Variants in MAPRE2 observed in about 807,000 individuals in gnomAD.
MAPRE2 encodes the protein microtubule-associated protein RP/EB family member 2.
MAPRE2 carries 13 observed loss-of-function variants against 43.2 expected under a neutral mutation model. The ratio of observed to expected loss-of-function variants is 0.30; its 90% confidence interval spans 0.20 to 0.48. The LOEUF is 0.48. Among genes scored for constraint, MAPRE2 ranks in the 20% least tolerant of loss-of-function variants. The pLI is 0.99. For synonymous variants in MAPRE2, 135 were observed against 148.8 expected, an observed-to-expected ratio of 0.91 and a Z score of 0.68; for missense variants, 161 against 400.2, an observed-to-expected ratio of 0.40 and a Z score of 5.10.
chr18:35,085,700 T>C (rs1907843388), intron 2 of MAPRE2, among the ~76,000 whole-genome samples: 1 of 152,196 alleles, frequency 6.6e-6, no homozygotes, highest in African/African-American at 2.4e-5. Flanking sequence ...AGCAGAAATA[T>C]CAAGTATCCC....
intron 1 of MAPRE2, among the ~76,000 whole-genome samples, chr18:35,052,386 A>G (rs1316969662): frequency 2.0e-5 from 3 of 152,186 alleles, no homozygotes; most frequent in Admixed American, 6.5e-5. Flanking sequence ...TCCATATGGG[A>G]TGTCTCAGTA....
At chr18:35,014,912 G>A (rs2097037204) in intron 2 of MAPRE2, among the ~76,000 whole-genome samples, 1 of 152,064 alleles carries the variant, frequency 6.6e-6, no homozygotes, top group African/African-American at 2.4e-5. Flanking sequence ...CTTTTGCATG[G>A]AGTACCAGGA....
chr18:35,005,552 A>G, exon 2 of MAPRE2: 1 of 1,540,382 alleles, frequency 6.5e-7, no homozygotes, highest in Non-Finnish European at 8.8e-7. Context: ...TGGATGCTCA[A>G]GGTAAGGTTT....
At chr18:35,013,786 T>C (rs1050299476) in intron 2 of MAPRE2, among the ~76,000 whole-genome samples, 1 of 152,194 alleles carries the variant, frequency 6.6e-6, no homozygotes, top group Non-Finnish European at 1.5e-5. Flanking sequence ...TGTTCAACTT[T>C]CTGCTCCTGG....
At chr18:35,037,498 G>A (rs1021999244), upstream of MAPRE2, among the ~76,000 whole-genome samples, 63 of 152,304 alleles carry the variant, frequency 4.1e-4, no homozygotes, top group Non-Finnish European at 8.8e-5. Context: ...TAATGCTGAT[G>A]CTTGGTGACA....
At chr18:35,114,157 A>G (rs1264881347) in intron 4 of MAPRE2, among the ~76,000 whole-genome samples, 1 of 152,110 alleles carries the variant, frequency 6.6e-6, no homozygotes, top group African/African-American at 2.4e-5. Context: ...TCATCATTAT[A>G]TTATATTGCG....
At chr18:35,007,200 T>A (rs1349154163) in intron 2 of MAPRE2, among the ~76,000 whole-genome samples, 1 of 152,174 alleles carries the variant, frequency 6.6e-6, no homozygotes, top group Non-Finnish European at 1.5e-5. Context: ...TTATAGTAGG[T>A]GGTCCATATG....
chr18:35,101,157 C>G (rs575457149), intron 3 of MAPRE2, among the ~76,000 whole-genome samples: 1 of 152,350 alleles, frequency 6.6e-6, no homozygotes, highest in South Asian at 2.1e-4. Context: ...GGACCAGCCC[C>G]TCTTGACAAC....
chr18:35,063,736 G>A (rs187347750), intron 1 of MAPRE2, among the ~76,000 whole-genome samples: 1 of 152,192 alleles, frequency 6.6e-6, no homozygotes, highest in Admixed American at 6.5e-5. Context: ...GCTCACGCCT[G>A]TAATCCTAGC....
chr18:35,005,372 T>C, intron 1 of MAPRE2: 1 of 551,180 alleles, frequency 1.8e-6, no homozygotes, highest in Non-Finnish European at 3.2e-6. Context: ...GCGTGTATTT[T>C]TTCTTTAATT....
intron 1 of MAPRE2, among the ~76,000 whole-genome samples, chr18:35,069,389 T>TTA (rs1906996737): frequency 1.3e-5 from 2 of 151,678 alleles, no homozygotes; most frequent in African/African-American, 4.9e-5. Flanking sequence ...CTGTTTTTTT[T>TTA]AAAAATTATT....
intron 1 of MAPRE2, among the ~76,000 whole-genome samples, chr18:35,000,384 G>C (rs977033988): frequency 2.6e-5 from 4 of 152,290 alleles, no homozygotes; most frequent in South Asian, 4.1e-4. Context: ...GGCATGATTT[G>C]AAATATTTTT....
At chr18:35,055,633 C>G (rs1906189759) in intron 1 of MAPRE2, among the ~76,000 whole-genome samples, 1 of 151,718 alleles carries the variant, frequency 6.6e-6, no homozygotes, top group African/African-American at 2.4e-5. Flanking sequence ...CACATACACA[C>G]AGGTACCCCT....
At chr18:35,031,312 A>G (rs929483301) in intron 2 of MAPRE2, among the ~76,000 whole-genome samples, 3 of 152,234 alleles carry the variant, frequency 2.0e-5, no homozygotes, top group African/African-American at 7.2e-5. Context: ...TTAAAATATT[A>G]CTATCTTAAT....
chr18:34,998,208 G>A (rs1017598076), intron 1 of MAPRE2, among the ~76,000 whole-genome samples: 2 of 152,060 alleles, frequency 1.3e-5, no homozygotes, highest in African/African-American at 4.8e-5. Context: ...TTGTTGTTAT[G>A]TCAGCATCCT....
intron 1 of MAPRE2, among the ~76,000 whole-genome samples, chr18:35,061,663 T>C (rs1384763100): frequency 6.6e-6 from 1 of 152,222 alleles, no homozygotes; most frequent in African/African-American, 2.4e-5. Flanking sequence ...AATCCATGCA[T>C]ACGGCAATTA....
chr18:35,138,402 C>T (rs1356269929), intron 6 of MAPRE2, among the ~76,000 whole-genome samples: 1 of 152,104 alleles, frequency 6.6e-6, no homozygotes, highest in Non-Finnish European at 1.5e-5. Context: ...GTAGGGAGAG[C>T]TCACATTTGC....
At chr18:35,139,131 G>A (rs1011776060) in intron 6 of MAPRE2, among the ~76,000 whole-genome samples, 1 of 152,204 alleles carries the variant, frequency 6.6e-6, no homozygotes, top group African/African-American at 2.4e-5. Flanking sequence ...AGGAATTCTG[G>A]CTCAGTGATC....
At chr18:35,100,473 A>C (rs981818609) in intron 3 of MAPRE2, among the ~76,000 whole-genome samples, 3 of 152,240 alleles carry the variant, frequency 2.0e-5, no homozygotes, top group Non-Finnish European at 4.4e-5. Context: ...GTATATACCC[A>C]AAAGAGTAGA....
Sources: gnomAD v4.1 joint callset for allele counts (sites outside exome capture counted in the v4.1 genomes callset) on GRCh38, gnomAD v4.1.1 for gene constraint, MANE v1.5 for transcripts, NCBI Gene and HGNC (gene_info 2026-07-23, HGNC 2026-07-21) for gene names.